TG: variants seen among roughly 807,000 people sequenced by gnomAD.
The protein encoded by TG is thyroglobulin, also known as thyroid hormones.
TG carries 270 observed loss-of-function variants against 324.7 expected under a neutral mutation model. That is an observed-to-expected ratio of 0.83 (90% CI 0.75 to 0.92). The LOEUF (loss-of-function observed/expected upper bound fraction) is 0.92. TG is among the 40% of genes least tolerant of loss of function. The probability of loss-of-function intolerance (pLI) is 0.00; values close to 1 mark genes in which losing one functional copy is unlikely to be tolerated. For missense variants in TG, 3,591 were observed against 3,456.4 expected (o/e 1.04, Z -0.98); for synonymous variants, 1,401 against 1,327.0 (o/e 1.06, Z -1.21).
At chr8:133,029,725 C>G in intron 40 of TG, 96 bp from the exon 41 acceptor site, 1 of 1,454,206 alleles carries the variant, frequency 6.9e-7, no homozygotes, top group South Asian at 1.2e-5. Context: ...GAGCCCCTGG[C>G]GGGGCCGCAT....
At chr8:133,034,084 A>T (rs1400075769) in intron 41 of TG, among the ~76,000 whole-genome samples, 1 of 152,238 alleles carries the variant, frequency 6.6e-6, no homozygotes, top group East Asian at 1.9e-4. Context: ...TTGTCTATTC[A>T]GAATTCACCA....
chr8:132,894,227 A>G (rs1816773535), intron 11 of TG, among the ~76,000 whole-genome samples: 1 of 152,150 alleles, frequency 6.6e-6, no homozygotes, highest in African/African-American at 2.4e-5. Context: ...AAGCCCGTGA[A>G]TGCTCAAACA....
chr8:133,120,738 T>C (rs1443364908), intron 45 of TG, among the ~76,000 whole-genome samples: 1 of 152,214 alleles, frequency 6.6e-6, no homozygotes, highest in Admixed American at 6.5e-5. Flanking sequence ...TATCTCTAAA[T>C]AAGGTCCCAT....
intron 41 of TG, among the ~76,000 whole-genome samples, chr8:133,087,040 A>G (rs1378000298): frequency 2.6e-5 from 4 of 151,580 alleles, no homozygotes; most frequent in Non-Finnish European, 5.9e-5. Flanking sequence ...CTCAAAAACA[A>G]TATGCTGTAT....
At chr8:132,971,921 T>C (rs1587636315) in intron 33 of TG, 48 bp downstream of exon 33, 1 of 1,242,608 alleles carries the variant, frequency 8.0e-7, no homozygotes, top group Non-Finnish European at 1.2e-6. Flanking sequence ...TACTCTGCAG[T>C]TTAGAAAACA....
At chr8:132,902,911 A>G (rs1040160554) in intron 16 of TG, among the ~76,000 whole-genome samples, 3 of 152,186 alleles carry the variant, frequency 2.0e-5, no homozygotes, top group Non-Finnish European at 4.4e-5. Context: ...CACATCCCTT[A>G]TCCCATTTTT....
In TG at chr8:133,013,769, G is replaced by T; in HGVS notation, c.6562+5G>T. On this transcript the variant is annotated splice_donor_5th_base_variant and intron_variant, in intron 37 of 47. Transcript: ENST00000220616. ...CCCACATCTACCGGAAGCCAGGTAA[G>T]CCCAAGCCTATGCCTTTGCAGCCAT... is the stretch of plus-strand genomic sequence containing the variant. 6.2e-7 allele frequency: 1 copy of T among 1,608,262 alleles called. No homozygotes were observed. Among genetic ancestry groups the T allele is most frequent in the Non-Finnish European group, 8.5e-7 (1 of 1,179,758 alleles).
chr8:133,074,899 T>C (rs777130083), intron 41 of TG: 40 of 985,380 alleles, frequency 4.1e-5, no homozygotes, highest in South Asian at 4.7e-5. Context: ...TGCAGAGGGA[T>C]TGCTGGGTGC....
chr8:132,897,901 C>T lies in TG; in HGVS notation c.3139+115C>T, dbSNP rs1358560161. 5.3e-6 allele frequency: 7 copies of T among 1,332,918 alleles called. No homozygotes were observed. The East Asian group carries it at 1.7e-4, about 33-fold the overall frequency. 82.6% of individuals were successfully genotyped at this position (1,332,918 alleles called of 1,614,324 possible). On this transcript the variant is annotated intron_variant, in intron 12 of 47. Transcript: ENST00000220616. ...GGACTCTTAGGCTCCTCTTTAGCAG[C>T]TGGTGAAAAATTCCTTAGCTTCTCG...
At chr8:132,910,748 C>T (rs114180456) in intron 18 of TG, among the ~76,000 whole-genome samples, 1 of 152,210 alleles carries the variant, frequency 6.6e-6, no homozygotes, top group African/African-American at 2.4e-5. Context: ...ATAAGACACA[C>T]AGTCTGTGGT....
At chr8:132,966,508 A>G in intron 29 of TG, 52 bp from the exon 30 acceptor site, 2 of 1,608,296 alleles carry the variant, frequency 1.2e-6, no homozygotes, top group Non-Finnish European at 1.7e-6. Context: ...TGTTTTTCTC[A>G]TATTCACTAG....
chr8:133,109,075 G>A (rs1023078498), intron 43 of TG, among the ~76,000 whole-genome samples: 1 of 152,214 alleles, frequency 6.6e-6, no homozygotes, highest in African/African-American at 2.4e-5. Flanking sequence ...TCGGGGTCCT[G>A]GAACTACAAG....
At chr8:133,057,653 C>A (rs1353516417) in intron 41 of TG, among the ~76,000 whole-genome samples, 1 of 152,084 alleles carries the variant, frequency 6.6e-6, no homozygotes, top group Non-Finnish European at 1.5e-5. Context: ...GGGCCTTCTG[C>A]CTCTGAAACT....
At chr8:132,875,876 G>A (rs1310146124) in intron 5 of TG, among the ~76,000 whole-genome samples, 1 of 152,138 alleles carries the variant, frequency 6.6e-6, no homozygotes, top group Non-Finnish European at 1.5e-5. Context: ...CTGGGTAGTC[G>A]CAGGCCCAGT....
At chr8:133,049,946 T>C in intron 41 of TG, 1 of 1,613,838 alleles carries the variant, frequency 6.2e-7, no homozygotes, top group Middle Eastern at 1.7e-4. Context: ...TGTAACTCTC[T>C]CGACCAGTGC....
chr8:133,012,137 C>A, intron 36 of TG, 102 bp downstream of exon 36: 1 of 1,535,226 alleles, frequency 6.5e-7, no homozygotes, highest in Admixed American at 1.7e-5. Flanking sequence ...CTACGATAAC[C>A]TAGGATGCTT....
intron 35 of TG, among the ~76,000 whole-genome samples, chr8:132,989,244 G>C (rs1171050690): frequency 6.6e-6 from 1 of 152,162 alleles, no homozygotes; most frequent in Non-Finnish European, 1.5e-5. Flanking sequence ...GATTTGGGTG[G>C]GACACAGAGC....
chr8:132,956,507 C>T (rs56069721), intron 27 of TG, among the ~76,000 whole-genome samples: 4 of 151,940 alleles, frequency 2.6e-5, no homozygotes, highest in Admixed American at 6.6e-5. Flanking sequence ...TGATGCAGAA[C>T]CTGATTCTGA....
chr8:133,043,003 C>T (rs567625801), intron 41 of TG, among the ~76,000 whole-genome samples: 1 of 152,130 alleles, frequency 6.6e-6, no homozygotes, highest in Admixed American at 6.5e-5. Context: ...CCATCTGTGT[C>T]TTTAGAGTGA....
Sources: gnomAD v4.1 joint callset for allele counts (sites outside exome capture counted in the v4.1 genomes callset) on GRCh38, gnomAD v4.1.1 for gene constraint, MANE v1.5 for transcripts, NCBI Gene and HGNC (gene_info 2026-07-23, HGNC 2026-07-21) for gene names.